The following INSR variants were observed in gnomAD, a reference collection of about 807,000 sequenced individuals.
The protein encoded by INSR is insulin receptor, also known as IR.
INSR carries 67 observed loss-of-function variants against 142.6 expected under a neutral mutation model. The ratio of observed to expected loss-of-function variants is 0.47; its 90% CI spans 0.39 to 0.58. The LOEUF is 0.58. INSR is among the 20% of genes least tolerant of loss of function. INSR has a pLI of 0.00. For missense variants in INSR, 1,248 were observed against 1,833.2 expected (o/e 0.68, Z 5.83); for synonymous variants, 756 against 743.1 (o/e 1.02, Z -0.28).
rs369686949 is a variant in INSR at position 7,125,499 on chromosome 19, G to A, written c.3042C>T (p.Asp1014=). Residue 1014 remains aspartate (D), a synonymous_variant, in exon 17 of 22, where the codon GAC becomes GAT. Transcript: ENST00000302850. This position sits in a 1 kb window ranked among gnomAD's most constrained non-coding sequence, Gnocchi z 4.9. The part of the protein sequence containing the change: ...DVFPCSVYVP[D]EWEVSREKIT... ...TCTTCTCTCGAGACACCTCCCACTC[G>A]TCCGGCACGTACACAGAGCATGGAA... 80 of 1,613,726 alleles carry A rather than the reference G, an allele frequency of 5.0e-5. No homozygotes were observed. The highest frequency in any genetic ancestry group is 2.7e-4 in the Admixed American group (16 of 59,994).
intron 2 of INSR, among the ~76,000 whole-genome samples, chr19:7,260,802 A>G (rs1279466958): frequency 1.3e-5 from 2 of 151,864 alleles, no homozygotes; most frequent in Non-Finnish European, 2.9e-5. Context: ...AGATGGAGAA[A>G]CTGAGGCTTG....
intron 1 of INSR, among the ~76,000 whole-genome samples, chr19:7,281,578 G>T (rs1968204567): frequency 6.6e-6 from 1 of 152,090 alleles, no homozygotes; most frequent in Non-Finnish European, 1.5e-5. Flanking sequence ...CTACTTGGGA[G>T]GAGGAAGCGC....
Position 7,122,970 on chromosome 19 carries a change from A to G in INSR, c.3278T>C (p.Val1093Ala). 6.2e-7 allele frequency: 1 copy of G among 1,605,162 alleles called. No individual in the cohort carries two copies. The highest frequency in any genetic ancestry group is 8.5e-7 in the Non-Finnish European group (1 of 1,176,956). The change falls in exon 18 of 22, where the codon GTG (valine) becomes GCG (alanine). Residue 1093 changes from valine to alanine, a missense_variant. By Grantham distance (64) the Val-to-Ala change is moderately conservative. Transcript: ENST00000302850. ...CHHVVRLLGVVSKGQPTLVVM... is the reference protein window; with the variant it reads ...CHHVVRLLGVASKGQPTLVVM... ...CACCAGCGTGGGCTGGCCCTTGGACACCACTCCCAGGAGGCGCACCTGCAG... is the reference window on the plus strand; with the variant it reads ...CACCAGCGTGGGCTGGCCCTTGGACGCCACTCCCAGGAGGCGCACCTGCAG...
At position 7,117,283 on chromosome 19, in the gene INSR, C is replaced by T. The variant is rs1972358838; in HGVS notation, c.3922G>A (p.Glu1308Lys). Residue 1308 changes from glutamate (E) to lysine (K), a missense_variant, in exon 22 of 22, where the codon GAG becomes AAG. Physicochemically the swap from Glu to Lys is moderately conservative, Grantham distance 56. Coordinates refer to ENST00000302850, the MANE Select transcript of INSR (RefSeq NM_000208.4). ...FPEVSFFHSE[E>K]NKAPESEELE... ...TCCTCACTCTCGGGAGCCTTGTTCTCCTCGCTGTGGAAGAACGACACCTCT... is the reference window on the plus strand; with the variant it reads ...TCCTCACTCTCGGGAGCCTTGTTCTTCTCGCTGTGGAAGAACGACACCTCT... 3 of 1,614,232 alleles carry T rather than the reference C, an allele frequency of 1.9e-6. No individual in the cohort carries two copies. The highest frequency in any genetic ancestry group is 1.1e-5 in the South Asian group (1 of 91,092).
chr19:7,149,127 T>G (rs1194228760), intron 11 of INSR, among the ~76,000 whole-genome samples: 1 of 151,524 alleles, frequency 6.6e-6, no homozygotes, highest in African/African-American at 2.4e-5. Flanking sequence ...CAGGATGGTC[T>G]CGATCTTCTG....
chr19:7,179,118 T>C (rs1054371313), intron 3 of INSR, among the ~76,000 whole-genome samples: 6 of 152,150 alleles, frequency 3.9e-5, no homozygotes, highest in Non-Finnish European at 5.9e-5. Context: ...CACTATGTTG[T>C]CCAGGCTGGT....
At chr19:7,139,093 T>C (rs1297679885) in intron 13 of INSR, among the ~76,000 whole-genome samples, 1 of 152,106 alleles carries the variant, frequency 6.6e-6, no homozygotes, top group East Asian at 1.9e-4. Flanking sequence ...TGTCCTTCCT[T>C]GCCTGGGCTA....
chr19:7,241,176 T>TA (rs1976327608), intron 2 of INSR, among the ~76,000 whole-genome samples: 4 of 95,812 alleles, frequency 4.2e-5, no homozygotes, highest in African/African-American at 1.5e-4. Flanking sequence ...TATTTTATTT[T>TA]GTTTTTTTTT....
At chr19:7,247,529 C>T (rs892356941) in intron 2 of INSR, among the ~76,000 whole-genome samples, 5 of 152,060 alleles carry the variant, frequency 3.3e-5, no homozygotes, top group South Asian at 2.1e-4. Flanking sequence ...AAACATTCAA[C>T]GGTATATTTT....
rs777271464 is a variant in INSR, at chr19:7,143,038, C to A, written c.2320G>T (p.Val774Leu). 1 of 1,614,214 alleles carries A rather than the reference C, an allele frequency of 6.2e-7. No individual in the cohort carries two copies. The highest frequency in any genetic ancestry group is 8.5e-7 in the Non-Finnish European group (1 of 1,180,048). ...TTGGGGAAAGCTGCCACCGTGGGCA[C>A]GGCCACCGTCACATTCCCAACATCG... ...LGDVGNVTVA[V>L]PTVAAFPNTS... Residue 774 changes from valine to leucine, a missense_variant, in exon 12 of 22, where the codon GTG becomes TTG. By Grantham distance (32) the Val-to-Leu change is conservative (BLOSUM62 1). Around this residue, in one of 3 missense-constraint regions of INSR, gnomAD observed 1,069 missense variants for 1,654.0 expected, o/e 0.65. Coordinates refer to ENST00000302850, the MANE Select transcript of INSR (RefSeq NM_000208.4).
intron 17 of INSR, among the ~76,000 whole-genome samples, chr19:7,124,681 G>A (rs1972602434): frequency 7.5e-6 from 1 of 133,586 alleles, no homozygotes; most frequent in Non-Finnish European, 1.6e-5. Flanking sequence ...GTCTCCGCCT[G>A]CTGTTTTGGA....
chr19:7,234,207 C>CCCCTATTAT (rs1293367118), intron 2 of INSR, among the ~76,000 whole-genome samples: 28 of 151,770 alleles, frequency 1.8e-4, no homozygotes, highest in African/African-American at 6.3e-4. Context: ...CTGCATCTGG[C>CCCCTATTAT]CCCTATTATT....
chr19:7,255,726 C>A (rs1976868413), intron 2 of INSR, among the ~76,000 whole-genome samples: 1 of 151,878 alleles, frequency 6.6e-6, no homozygotes, highest in Admixed American at 6.6e-5. Flanking sequence ...TATAGGCACA[C>A]AGCACCATGC....
intron 9 of INSR, among the ~76,000 whole-genome samples, chr19:7,158,045 G>GTATTATTATTATTATTAT (rs72379188): frequency 2.8e-5 from 4 of 141,278 alleles, no homozygotes; most frequent in African/African-American, 1.1e-4. Context: ...GAAGCTCCTG[G>GTATTATTATTATTATTAT]TATTATTATT....
At chr19:7,179,793 A>G (rs1042241232) in intron 3 of INSR, among the ~76,000 whole-genome samples, 1 of 152,240 alleles carries the variant, frequency 6.6e-6, no homozygotes, top group African/African-American at 2.4e-5. Flanking sequence ...AACAAAGCAG[A>G]TAATATGCTT....
rs1320365670 is a variant in INSR at position 7,293,834 on chromosome 19, C to T, written c.58G>A (p.Ala20Thr). 1.5e-6 allele frequency: 2 copies of T among 1,316,432 alleles called. No individual in the cohort carries two copies. Among genetic ancestry groups the T allele is most frequent in the Non-Finnish European group, 1.9e-6 (2 of 1,032,934 alleles). The allele number at this position is 1,316,432 out of a possible 1,614,324, so 81.5% of individuals were successfully genotyped here. A position where few individuals can be genotyped will look rare whatever the true frequency, so the allele number is the denominator to read the frequency against. The change falls in exon 1 of 22, where the codon GCG (alanine) becomes ACG (threonine). Residue 20 changes from alanine to threonine, a missense_variant. Transcript: ENST00000302850. ...TGGCCCGCGGCGCCCAGTAGCAGCGCGGCCACCGCCACCAGCAGCGGCGCG... is the reference window on the plus strand; with the variant it reads ...TGGCCCGCGGCGCCCAGTAGCAGCGTGGCCACCGCCACCAGCAGCGGCGCG... ...AAAPLLVAVA[A>T]LLLGAAGHLY...
At position 7,170,517 on chromosome 19, in the gene INSR, G is replaced by T. The variant is rs775161469; in HGVS notation, c.1483+20C>A. On this transcript the variant is annotated intron_variant, in intron 6 of 21. Coordinates refer to ENST00000302850, the MANE Select transcript of INSR (RefSeq NM_000208.4). The stretch of plus-strand genomic sequence containing the variant: ...TACACCGGTCCCTCATGCCAAAAAG[G>T]TTGGGGACCAGTGACTTACAGGATG... 16 of 1,592,374 alleles carry T rather than the reference G, an allele frequency of 1.0e-5. No homozygotes were observed. Among genetic ancestry groups the T allele is most frequent in the Non-Finnish European group, 1.3e-5 (15 of 1,161,708 alleles).
intron 2 of INSR, among the ~76,000 whole-genome samples, chr19:7,201,105 A>G (rs1337509337): frequency 6.6e-6 from 1 of 152,104 alleles, no homozygotes; most frequent in Non-Finnish European, 1.5e-5. Context: ...GTTTCAACCT[A>G]TTGATGTTTC....
At chr19:7,234,637 T>C (rs1187790911) in intron 2 of INSR, among the ~76,000 whole-genome samples, 2 of 152,166 alleles carry the variant, frequency 1.3e-5, no homozygotes, top group East Asian at 1.9e-4. Context: ...GTGTACAATC[T>C]ATCCAGGAGA....
Sources: gnomAD v4.1 joint callset for allele counts (sites outside exome capture counted in the v4.1 genomes callset) on GRCh38, gnomAD v4.1.1 for gene constraint, gnomAD v4.1.1 regional missense constraint, Gnocchi (gnomAD v3.1) non-coding constraint, MANE v1.5 for transcripts, NCBI Gene and HGNC (gene_info 2026-07-23, HGNC 2026-07-21) for gene names.